ARHGEF26: variants seen among roughly 807,000 people sequenced by gnomAD.
ARHGEF26 encodes Rho guanine nucleotide exchange factor (GEF) 26.
In ARHGEF26, 59 loss-of-function variants were observed where a neutral mutation model predicts 89.4. The ratio of observed to expected loss-of-function variants is 0.66; its 90% CI spans 0.54 to 0.82. The LOEUF is 0.82. Ranked by LOEUF, ARHGEF26 falls within the 40% of genes least tolerant of loss-of-function variation. ARHGEF26 has a pLI of 0.00. For synonymous variants in ARHGEF26, 500 were observed against 428.4 expected (o/e 1.17, Z -2.06); for missense variants, 1,234 against 1,085.6 (o/e 1.14, Z -1.92).
In ARHGEF26 at chr3:154,150,058, TTGTGTG is replaced by T. The variant is rs10616486; in HGVS notation, c.1326+631_1326+636del. 4.7e-5 allele frequency among the ~76,000 whole-genome samples: 7 copies of T among 147,818 alleles called. No individual in the cohort carries two copies. In the South Asian group the frequency reaches 6.5e-4, roughly 14 times the overall value. On this transcript the variant is annotated intron_variant, in intron 5 of 14. Coordinates refer to ENST00000465093, the MANE Select transcript of ARHGEF26 (RefSeq NM_015595.4). Reference sequence around the variant, plus strand: ...TTTTCCTCTTGCTTCCTGCATATTATTGTGTGTGTGTGTGTGTGTGTGTATGTCAAT... The same window carrying T: ...TTTTCCTCTTGCTTCCTGCATATTATTGTGTGTGTGTGTGTGTATGTCAAT...
At chr3:154,209,867 C>T (rs1388326283) in intron 9 of ARHGEF26, among the ~76,000 whole-genome samples, 1 of 152,142 alleles carries the variant, frequency 6.6e-6, no homozygotes, top group Non-Finnish European at 1.5e-5. Context: ...CCAGGTGGGT[C>T]GAGAGGTACC....
Position 154,216,494 on chromosome 3 carries a change from T to TA in ARHGEF26, c.1846-1375_1846-1374insA, listed in dbSNP as rs377478738. 4.5e-3 allele frequency among the ~76,000 whole-genome samples: 551 copies of TA among 122,976 alleles called. 7 individuals are homozygous for TA. The highest frequency in any genetic ancestry group is 0.011 in the African/African-American group (373 of 32,494). The allele number at this position is 122,976 out of a possible 152,430, so 80.7% of individuals were successfully genotyped here. ...TCAGCACTTGTTTTTTTTTTTTTAT[T>TA]TTTTTTTATTTTTTATTTTTTTTTT... On this transcript the variant is annotated intron_variant, in intron 9 of 14. Transcript: ENST00000465093.
intron 11 of ARHGEF26, among the ~76,000 whole-genome samples, chr3:154,237,804 AAT>A (rs1175439961): frequency 5.9e-5 from 9 of 152,174 alleles, no homozygotes; most frequent in African/African-American, 2.2e-4. Context: ...CCATGTTCAC[AAT>A]ATTAGGTTGC....
chr3:154,125,504 G>A (rs1718274029), intron 3 of ARHGEF26, among the ~76,000 whole-genome samples: 1 of 152,132 alleles, frequency 6.6e-6, no homozygotes, highest in African/African-American at 2.4e-5. Flanking sequence ...GCCAGTAGTA[G>A]GACACAGATC....
At chr3:154,133,013 A>AG (rs1576684539) in intron 4 of ARHGEF26, among the ~76,000 whole-genome samples, 1 of 152,094 alleles carries the variant, frequency 6.6e-6, no homozygotes, top group Non-Finnish European at 1.5e-5. Context: ...CATGTGCATT[A>AG]GCCGGTGTTG....
Position 154,256,300 on chromosome 3 carries a change from G to A in ARHGEF26, c.*827G>A. On this transcript the variant is annotated 3_prime_UTR_variant, in exon 15 of 15. Coordinates refer to ENST00000465093, the MANE Select transcript of ARHGEF26 (RefSeq NM_015595.4). ...TATAGTGGTGTGATCTTGGCCCACT[G>A]CAACCTCTGCTTCCTAGGTTCAAGT... 1.0e-6 allele frequency: 1 copy of A among 958,894 alleles called. No homozygotes were observed. The allele number at this position is 958,894 out of a possible 1,614,324, so 59.4% of individuals were successfully genotyped here.
intron 9 of ARHGEF26, among the ~76,000 whole-genome samples, chr3:154,209,691 G>C (rs982927970): frequency 6.6e-6 from 1 of 152,158 alleles, no homozygotes; most frequent in Non-Finnish European, 1.5e-5. Flanking sequence ...TGATTGCGCC[G>C]GGTAAGACCT....
chr3:154,242,908 G>A (rs975039774), intron 12 of ARHGEF26, among the ~76,000 whole-genome samples: 6 of 152,094 alleles, frequency 3.9e-5, no homozygotes, highest in Non-Finnish European at 8.8e-5. Context: ...TCCCCTAAAG[G>A]TGCTGAAAAG....
chr3:154,213,249 A>G (rs568634849), intron 9 of ARHGEF26, among the ~76,000 whole-genome samples: 113 of 149,534 alleles, frequency 7.6e-4, no homozygotes, highest in African/African-American at 2.6e-3. Flanking sequence ...GTGTATATAT[A>G]TATATATGCT....
chr3:154,251,254 A>G (rs898091878), intron 12 of ARHGEF26, among the ~76,000 whole-genome samples: 1 of 152,046 alleles, frequency 6.6e-6, no homozygotes, highest in African/African-American at 2.4e-5. Context: ...TAATTTTGGT[A>G]ATATTTTCTT....
At chr3:154,223,599 A>G (rs771616858) in intron 10 of ARHGEF26, among the ~76,000 whole-genome samples, 5 of 152,222 alleles carry the variant, frequency 3.3e-5, no homozygotes, top group African/African-American at 4.8e-5. Flanking sequence ...CAAAGATCAC[A>G]TATTGTATAA....
In ARHGEF26 at chr3:154,255,947, CT is replaced by C. The variant is rs1249729094; in HGVS notation, c.*475del. 8 of 985,338 alleles carry C rather than the reference CT, an allele frequency of 8.1e-6. No homozygotes were observed. The highest frequency in any genetic ancestry group is 9.6e-6 in the Non-Finnish European group (8 of 830,364). The allele number at this position is 985,338 out of a possible 1,614,324, so 61.0% of individuals were successfully genotyped here. On this transcript the variant is annotated 3_prime_UTR_variant, in exon 15 of 15. Transcript: ENST00000465093. Reference sequence around the variant, plus strand: ...TGCCTTTTTTTTTCTTTTTTTACATCTGATTTTAATGCTTCGTTAACTTCAA... The same window carrying C: ...TGCCTTTTTTTTTCTTTTTTTACATCGATTTTAATGCTTCGTTAACTTCAA...
chr3:154,130,068 C>T lies in ARHGEF26; in HGVS notation c.1269+349C>T, dbSNP rs114638029. On this transcript the variant is annotated intron_variant, in intron 4 of 14. Transcript: ENST00000465093. ...ATGCGTGTGTGTTTATGTATGTATG[C>T]GTGTATATGTACATGTATGTATGTA... 6.7e-3 allele frequency among the ~76,000 whole-genome samples: 1,004 copies of T among 150,806 alleles called. 9 individuals carry two copies. Among genetic ancestry groups the T allele is most frequent in the African/African-American group, 0.023 (953 of 40,924 alleles).
rs769395780 is a variant in ARHGEF26, at chr3:154,122,728, G to A, written c.736G>A (p.Gly246Arg). Residue 246 changes from glycine to arginine, a missense_variant, in exon 2 of 15, where the codon GGG becomes AGG. By Grantham distance (125) the Gly-to-Arg change is moderately radical (BLOSUM62 -2). Transcript: ENST00000465093. ...STNSPAALKVGKQQIIPKSLA... is the reference protein window; with the variant it reads ...STNSPAALKVRKQQIIPKSLA... The stretch of plus-strand genomic sequence containing the variant: ...AAACAGCCCCGCCGCCCTCAAAGTG[G>A]GGAAGCAGCAGATCATTCCGAAGAG... 2 of 1,613,328 alleles carry A rather than the reference G, an allele frequency of 1.2e-6. No individual in the cohort carries two copies. The highest frequency in any genetic ancestry group is 2.2e-5 in the South Asian group (2 of 91,000).
At chr3:154,200,717 A>G (rs1184704224) in intron 9 of ARHGEF26, among the ~76,000 whole-genome samples, 1 of 151,476 alleles carries the variant, frequency 6.6e-6, no homozygotes, top group African/African-American at 2.4e-5. Context: ...GATTCTTCCA[A>G]TCCATGAACA....
intron 6 of ARHGEF26, among the ~76,000 whole-genome samples, chr3:154,164,806 G>A (rs921421522): frequency 6.6e-6 from 1 of 152,068 alleles, no homozygotes; most frequent in East Asian, 1.9e-4. Flanking sequence ...AAATATTTAG[G>A]TGTACATTTG....
intron 5 of ARHGEF26, among the ~76,000 whole-genome samples, chr3:154,150,942 T>C (rs1719985014): frequency 2.0e-5 from 3 of 152,222 alleles, no homozygotes; most frequent in African/African-American, 7.2e-5. Flanking sequence ...ATTAAACTTA[T>C]TATAATAAAC....
intron 11 of ARHGEF26, among the ~76,000 whole-genome samples, chr3:154,228,136 A>T (rs1302830473): frequency 1.4e-5 from 2 of 143,658 alleles, no homozygotes; most frequent in East Asian, 2.0e-4. Flanking sequence ...GTCTTTGAGA[A>T]TTTTTTTTTT....
At chr3:154,217,649 C>T (rs1220257891) in intron 9 of ARHGEF26, among the ~76,000 whole-genome samples, 2 of 152,156 alleles carry the variant, frequency 1.3e-5, no homozygotes, top group African/African-American at 2.4e-5. Context: ...GCAGCTTTCC[C>T]TGAGATAGGG....
Sources: allele counts gnomAD v4.1 joint callset (sites outside exome capture counted in the v4.1 genomes callset), GRCh38; gene constraint gnomAD v4.1.1; transcripts MANE v1.5; gene names NCBI Gene and HGNC (gene_info 2026-07-23, HGNC 2026-07-21).